Variants in ZDHHC14 observed in about 807,000 individuals in gnomAD.
ZDHHC14 encodes the protein zDHHC palmitoyltransferase 14, also known as palmitoyltransferase ZDHHC14.
A neutral mutation model predicts 47.7 loss-of-function variants in ZDHHC14; 16 were observed. The ratio of observed to expected loss-of-function variants is 0.34; its 90% CI spans 0.23 to 0.51. ZDHHC14 has a LOEUF of 0.51. Among genes scored for constraint, ZDHHC14 ranks in the 20% least tolerant of loss-of-function variants. ZDHHC14 has a pLI of 0.97. For missense variants in ZDHHC14, 515 were observed against 662.5 expected (o/e 0.78, Z 2.44); for synonymous variants, 293 against 278.9 (o/e 1.05, Z -0.50).
intron 1 of ZDHHC14, among the ~76,000 whole-genome samples, chr6:157,389,753 A>G (rs1191928109): frequency 6.6e-6 from 1 of 152,224 alleles, no homozygotes; most frequent in Non-Finnish European, 1.5e-5. Flanking sequence ...AATAGAAAAC[A>G]TAATTCCTCT....
intron 7 of ZDHHC14, among the ~76,000 whole-genome samples, 180 bp downstream of exon 7, chr6:157,647,548 C>G (rs1015874648): frequency 4.6e-5 from 7 of 152,216 alleles, no homozygotes; most frequent in African/African-American, 1.7e-4. Flanking sequence ...ACACTTCACA[C>G]CTTTTTTGAT....
At chr6:157,602,235 G>T (rs989689574) in intron 3 of ZDHHC14, among the ~76,000 whole-genome samples, 3 of 149,922 alleles carry the variant, frequency 2.0e-5, no homozygotes, top group African/African-American at 7.4e-5. Flanking sequence ...GGCTGGTCAT[G>T]GTGGCTTACG....
At chr6:157,517,925 G>A (rs760346183) in intron 1 of ZDHHC14, among the ~76,000 whole-genome samples, 9 of 152,164 alleles carry the variant, frequency 5.9e-5, no homozygotes, top group Non-Finnish European at 1.2e-4. Flanking sequence ...AAAGCCCCAC[G>A]TGTGAACCAC....
At chr6:157,400,739 G>A (rs1326507538) in intron 1 of ZDHHC14, among the ~76,000 whole-genome samples, 1 of 152,168 alleles carries the variant, frequency 6.6e-6, no homozygotes, top group Non-Finnish European at 1.5e-5. Context: ...TTCCAGCCAC[G>A]AACCTATGAA....
At chr6:157,650,778 TG>T (rs1444117632) in intron 7 of ZDHHC14, among the ~76,000 whole-genome samples, 1 of 152,184 alleles carries the variant, frequency 6.6e-6, no homozygotes, top group Non-Finnish European at 1.5e-5. Context: ...TGACCCTGGT[TG>T]GGAGGACTGT....
rs1298783406 is a variant in ZDHHC14, at chr6:157,593,576, C to T, written c.565+430C>T. Among the ~76,000 whole-genome samples, 3 of 152,176 alleles carry T rather than the reference C, an allele frequency of 2.0e-5. No homozygotes were observed. The East Asian group carries it at 5.8e-4, about 29-fold the overall frequency. On this transcript the variant is annotated intron_variant, in intron 3 of 8. Coordinates refer to ENST00000359775, the MANE Select transcript of ZDHHC14 (RefSeq NM_024630.3). ...TGGGGACAGGAAAAGAGGCAGGATCCGGGAGACCTCTCCTCCAGGGGCTGG... is the reference window on the plus strand; with the variant it reads ...TGGGGACAGGAAAAGAGGCAGGATCTGGGAGACCTCTCCTCCAGGGGCTGG...
intron 2 of ZDHHC14, among the ~76,000 whole-genome samples, chr6:157,552,493 T>C (rs1006314911): frequency 1.5e-4 from 23 of 151,958 alleles, no homozygotes; most frequent in Non-Finnish European, 1.6e-4. Flanking sequence ...TCTTTGTGCT[T>C]GGGAAGTGGG....
At chr6:157,533,907 G>A (rs1215790125) in intron 1 of ZDHHC14, among the ~76,000 whole-genome samples, 23 of 152,136 alleles carry the variant, frequency 1.5e-4, no homozygotes, top group Non-Finnish European at 3.4e-4. Flanking sequence ...TTTTTAAATT[G>A]GTGTCTAATT....
intron 5 of ZDHHC14, among the ~76,000 whole-genome samples, chr6:157,643,566 T>C (rs1263412004): frequency 6.7e-6 from 1 of 149,440 alleles, no homozygotes. Flanking sequence ...CAGAATCACT[T>C]GAACCTGGGA....
chr6:157,433,536 C>T (rs1562423051), intron 1 of ZDHHC14, among the ~76,000 whole-genome samples: 1 of 152,200 alleles, frequency 6.6e-6, no homozygotes, highest in Non-Finnish European at 1.5e-5. Flanking sequence ...CCTGCAGAGT[C>T]CTGGGCAAAC....
chr6:157,666,255 C>T (rs1778551604), intron 8 of ZDHHC14, among the ~76,000 whole-genome samples: 1 of 152,176 alleles, frequency 6.6e-6, no homozygotes, highest in African/African-American at 2.4e-5. Context: ...ATAATTGCTA[C>T]AATTTTGTTT....
At chr6:157,672,678 C>T (rs759945844) in intron 8 of ZDHHC14, 46 bp from the exon 9 acceptor site, 24 of 1,362,448 alleles carry the variant, frequency 1.8e-5, no homozygotes, top group Middle Eastern at 2.0e-4. Context: ...CCCACCTCTG[C>T]CCCCTCCTCT....
intron 2 of ZDHHC14, among the ~76,000 whole-genome samples, chr6:157,590,864 C>T (rs1254517439): frequency 5.3e-5 from 8 of 152,234 alleles, no homozygotes; most frequent in Non-Finnish European, 1.0e-4. Context: ...TTGTACCCTG[C>T]AAAGTCATAG....
At chr6:157,535,985 C>T (rs918237869) in intron 1 of ZDHHC14, among the ~76,000 whole-genome samples, 73 of 152,222 alleles carry the variant, frequency 4.8e-4, no homozygotes, top group African/African-American at 1.7e-3. Flanking sequence ...GAAAAGGGGT[C>T]ATTTCTATTG....
chr6:157,557,565 G>A (rs1307421142), intron 2 of ZDHHC14, among the ~76,000 whole-genome samples: 1 of 152,124 alleles, frequency 6.6e-6, no homozygotes, highest in Non-Finnish European at 1.5e-5. Context: ...AGAATGAGAT[G>A]AAAACAAAAC....
intron 1 of ZDHHC14, among the ~76,000 whole-genome samples, chr6:157,445,166 T>G (rs1778639642): frequency 6.7e-6 from 1 of 150,102 alleles, no homozygotes; most frequent in African/African-American, 2.5e-5. Context: ...TATCTATCTA[T>G]CATCATCATC....
chr6:157,492,371 G>A (rs1779946775), intron 1 of ZDHHC14, among the ~76,000 whole-genome samples: 2 of 152,128 alleles, frequency 1.3e-5, no homozygotes, highest in Admixed American at 6.5e-5. Flanking sequence ...CTGCCTGCCC[G>A]GCCTGCTCTC....
intron 1 of ZDHHC14, among the ~76,000 whole-genome samples, chr6:157,473,317 C>T (rs1779397805): frequency 6.6e-6 from 1 of 152,216 alleles, no homozygotes; most frequent in Non-Finnish European, 1.5e-5. Context: ...TTTCCCCAGA[C>T]TCCCTCCCTG....
chr6:157,649,731 T>G (rs760952555), intron 7 of ZDHHC14, among the ~76,000 whole-genome samples: 6 of 152,240 alleles, frequency 3.9e-5, no homozygotes, highest in Non-Finnish European at 5.9e-5. Flanking sequence ...ATTCGGTTCC[T>G]GCAGTGTTCC....
Sources: allele counts gnomAD v4.1 joint callset (sites outside exome capture counted in the v4.1 genomes callset), GRCh38; gene constraint gnomAD v4.1.1; transcripts MANE v1.5; gene names NCBI Gene and HGNC (gene_info 2026-07-23, HGNC 2026-07-21).